The following OCA2 variants were observed in gnomAD, a reference collection of about 807,000 sequenced individuals.
OCA2 encodes the protein OCA2 melanosomal transmembrane protein.
A neutral mutation model predicts 100.2 loss-of-function variants in OCA2; 77 were observed. That is an observed-to-expected ratio of 0.77 (90% confidence interval 0.64 to 0.93). OCA2 has a LOEUF of 0.93. Ranked by LOEUF, OCA2 falls within the 40% of genes least tolerant of loss-of-function variation. The probability of loss-of-function intolerance (pLI) is 0.00; values close to 1 mark genes in which losing one functional copy is unlikely to be tolerated. For synonymous variants in OCA2, 432 were observed against 439.2 expected (o/e 0.98, Z 0.21); for missense variants, 1,062 against 1,089.1 (o/e 0.98, Z 0.35).
chr15:27,735,036 C>A, the OCA2 span, among the ~76,000 whole-genome samples: 2 of 151,846 alleles, frequency 1.3e-5, no homozygotes, highest in Non-Finnish European at 2.9e-5. Context: ...ATATGAACTA[C>A]CTAACAAAGA....
At chr15:27,765,303 C>G (rs888714491) in intron 23 of OCA2, among the ~76,000 whole-genome samples, 1 of 152,022 alleles carries the variant, frequency 6.6e-6, no homozygotes, top group Admixed American at 6.5e-5. Context: ...GGCCTTGAAG[C>G]ATGACAAGAT....
At chr15:28,056,680 C>T (rs1238489323) in intron 2 of OCA2, among the ~76,000 whole-genome samples, 1 of 152,230 alleles carries the variant, frequency 6.6e-6, no homozygotes, top group African/African-American at 2.4e-5. Flanking sequence ...GTGACACCTG[C>T]ATCACTGCTG....
At chr15:27,804,176 C>A (rs2033729934) in intron 23 of OCA2, among the ~76,000 whole-genome samples, 1 of 152,168 alleles carries the variant, frequency 6.6e-6, no homozygotes, top group Non-Finnish European at 1.5e-5. Flanking sequence ...TTTATGGGTT[C>A]ATTCTGAAAA....
chr15:28,026,841 G>A (rs565253106), intron 4 of OCA2, among the ~76,000 whole-genome samples: 1 of 152,346 alleles, frequency 6.6e-6, no homozygotes, highest in South Asian at 2.1e-4. Context: ...CAGAGACACG[G>A]TGACGCTAAT....
chr15:27,892,064 C>T (rs1280674846), intron 19 of OCA2, among the ~76,000 whole-genome samples: 1 of 152,056 alleles, frequency 6.6e-6, no homozygotes, highest in Non-Finnish European at 1.5e-5. Context: ...CAGCAAAATA[C>T]ATGAAGTGAA....
intron 23 of OCA2, among the ~76,000 whole-genome samples, chr15:27,776,962 G>A (rs1053534646): frequency 6.7e-6 from 1 of 149,360 alleles, no homozygotes; most frequent in African/African-American, 2.5e-5. Flanking sequence ...TGTGGCGGCG[G>A]GGAGCGTGAG....
intron 3 of OCA2, 101 bp from the exon 4 acceptor site, chr15:28,028,160 C>A: frequency 7.4e-7 from 1 of 1,355,066 alleles, no homozygotes; most frequent in East Asian, 2.3e-5. Context: ...ACCGAATCAA[C>A]CCTGGTCTTT....
chr15:28,094,074 C>T (rs890069999), intron 1 of OCA2, among the ~76,000 whole-genome samples: 1 of 152,176 alleles, frequency 6.6e-6, no homozygotes. Flanking sequence ...CCCACCTGGT[C>T]ATCGCCTCTC....
rs113791328 is a variant in OCA2 at position 27,791,581 on chromosome 15, G to A, written c.2433-36109C>T. 6.1e-3 allele frequency among the ~76,000 whole-genome samples: 933 copies of A among 152,288 alleles called. 17 individuals carry two copies. The highest frequency in any genetic ancestry group is 0.021 in the African/African-American group (869 of 41,546). The stretch of plus-strand genomic sequence containing the variant: ...CTGCGTGTCTTAGTTGTGCTGCTAT[G>A]TATGTGGCTACGGATTCTTCAACAT... On this transcript the variant is annotated intron_variant, in intron 23 of 23. Coordinates refer to ENST00000354638, the MANE Select transcript of OCA2 (RefSeq NM_000275.3).
intron 2 of OCA2, among the ~76,000 whole-genome samples, chr15:28,053,854 A>G (rs1343717798): frequency 6.6e-6 from 1 of 152,224 alleles, no homozygotes; most frequent in Non-Finnish European, 1.5e-5. Context: ...CAAAAGTGGT[A>G]GCCCACTGAG....
intron 14 of OCA2, among the ~76,000 whole-genome samples, chr15:27,977,612 A>G (rs2041011382): frequency 6.6e-6 from 1 of 152,180 alleles, no homozygotes; most frequent in African/African-American, 2.4e-5. Flanking sequence ...TGTTTTCACT[A>G]TAATTCAACA....
intron 23 of OCA2, among the ~76,000 whole-genome samples, chr15:27,797,052 A>G (rs2033372757): frequency 6.6e-6 from 1 of 152,150 alleles, no homozygotes; most frequent in East Asian, 1.9e-4. Flanking sequence ...GTCACAGAAC[A>G]CAGCCTCACT....
At chr15:28,060,642 CA>C (rs2043845479) in intron 2 of OCA2, among the ~76,000 whole-genome samples, 1 of 152,140 alleles carries the variant, frequency 6.6e-6, no homozygotes, top group African/African-American at 2.4e-5. Context: ...TGGAAGTTAA[CA>C]AAAGTATAAA....
chr15:27,897,550 T>C (rs2037757439), intron 19 of OCA2, among the ~76,000 whole-genome samples: 1 of 152,200 alleles, frequency 6.6e-6, no homozygotes, highest in South Asian at 2.1e-4. Flanking sequence ...GAATTGAGGT[T>C]TGGAACCCTC....
chr15:27,825,122 T>C (rs766148528), intron 23 of OCA2, among the ~76,000 whole-genome samples: 1 of 152,192 alleles, frequency 6.6e-6, no homozygotes, highest in Non-Finnish European at 1.5e-5. Context: ...CTTTGGGTGA[T>C]GCTCTTAATT....
At chr15:27,956,330 C>A (rs774253742) in intron 16 of OCA2, among the ~76,000 whole-genome samples, 12 of 152,270 alleles carry the variant, frequency 7.9e-5, no homozygotes, top group Non-Finnish European at 1.5e-4. Context: ...GCCTGGGGAA[C>A]AAGAGCGAAA....
chr15:28,086,509 CA>C, intron 1 of OCA2, among the ~76,000 whole-genome samples: 1 of 152,144 alleles, frequency 6.6e-6, no homozygotes, highest in Non-Finnish European at 1.5e-5. Context: ...GGCACCTAAA[CA>C]GAAGGTTTAA....
At chr15:28,048,528 A>G (rs1019562389) in intron 2 of OCA2, among the ~76,000 whole-genome samples, 9 of 152,212 alleles carry the variant, frequency 5.9e-5, no homozygotes, top group African/African-American at 2.2e-4. Context: ...CTCACACCCT[A>G]TAAAACAATT....
rs141338718 is a variant in OCA2, at chr15:27,971,747, A to G, written c.1504-4925T>C. 1.1e-3 allele frequency among the ~76,000 whole-genome samples: 174 copies of G among 152,276 alleles called. 1 individual carries two copies. Among genetic ancestry groups the G allele is most frequent in the African/African-American group, 3.8e-3 (159 of 41,552 alleles). On this transcript the variant is annotated intron_variant, in intron 14 of 23. Coordinates refer to ENST00000354638, the MANE Select transcript of OCA2 (RefSeq NM_000275.3). ...AAATGTGGACGAGTTTTCAGATGTG[A>G]CTTCTTTACTGTTCCAAACTCTAGT...
Sources: gnomAD v4.1 joint callset for allele counts (sites outside exome capture counted in the v4.1 genomes callset) on GRCh38, gnomAD v4.1.1 for gene constraint, MANE v1.5 for transcripts, NCBI Gene and HGNC (gene_info 2026-07-23, HGNC 2026-07-21) for gene names.